Variants in NTN1 observed in about 807,000 individuals in gnomAD.
The protein encoded by NTN1 is netrin 1.
NTN1 carries 11 observed loss-of-function variants against 54.2 expected under a neutral mutation model. The observed-to-expected ratio is 0.20, with a 90% CI of 0.13 to 0.34. NTN1 has a LOEUF of 0.34. Ranked by LOEUF, NTN1 falls within the 10% of genes least tolerant of loss-of-function variation. The pLI, the probability that NTN1 is intolerant of heterozygous loss-of-function variation, is 1.00. For synonymous variants in NTN1, 371 were observed against 382.0 expected (o/e 0.97, Z 0.33); for missense variants, 740 against 893.1 (o/e 0.83, Z 2.18).
At chr17:9,028,724 T>C (rs1339305855) in intron 2 of NTN1, among the ~76,000 whole-genome samples, 1 of 152,224 alleles carries the variant, frequency 6.6e-6, no homozygotes, top group Non-Finnish European at 1.5e-5. Context: ...GTAAATTTTT[T>C]GTCTTGGGAT....
chr17:9,036,735 G>A (rs2151511773), intron 2 of NTN1, among the ~76,000 whole-genome samples: 1 of 152,246 alleles, frequency 6.6e-6, no homozygotes, highest in Admixed American at 6.5e-5. Context: ...GGAATATACT[G>A]CCTTCCTGAG....
At chr17:9,056,204 G>T (rs1356013965) in intron 2 of NTN1, among the ~76,000 whole-genome samples, 5 of 152,260 alleles carry the variant, frequency 3.3e-5, no homozygotes, top group Admixed American at 3.3e-4. Flanking sequence ...TTACAGGCAT[G>T]TGCCACCACA....
At chr17:9,120,208 C>T (rs997199697) in intron 2 of NTN1, among the ~76,000 whole-genome samples, 1 of 151,470 alleles carries the variant, frequency 6.6e-6, no homozygotes, top group East Asian at 1.9e-4. Flanking sequence ...TGGCATGAAC[C>T]CGGGAGGCAG....
chr17:9,225,967 C>T (rs970137775), intron 6 of NTN1, among the ~76,000 whole-genome samples: 3 of 152,292 alleles, frequency 2.0e-5, no homozygotes, highest in East Asian at 1.9e-4. Context: ...GGCTGAAGAG[C>T]GCGGGTCTGG....
Position 9,022,303 on chromosome 17 carries a change from C to T in NTN1, c.-63-8C>T. 1 of 1,253,282 alleles carries T rather than the reference C, an allele frequency of 8.0e-7. No homozygotes were observed. The allele number at this position is 1,253,282 out of a possible 1,614,324, so 77.6% of individuals were successfully genotyped here. On this transcript the variant is annotated splice_region_variant and splice_polypyrimidine_tract_variant and intron_variant, in intron 1 of 6. Coordinates refer to ENST00000173229, the MANE Select transcript of NTN1 (RefSeq NM_004822.3). ...GGCTGGCTGAGCGCAGCTCCCTTCT[C>T]TCCGCAGGCGCCTTCTGCGGCAGGC...
In NTN1 at chr17:9,129,207, G is replaced by C. The variant is rs1036871443; in HGVS notation, c.1019-33606G>C. On this transcript the variant is annotated intron_variant, in intron 2 of 6. Coordinates refer to ENST00000173229, the MANE Select transcript of NTN1 (RefSeq NM_004822.3). ...CCAGCGTGGGACTGGGTTTAGAGGGGGTCTGCTGGGGACGCCATTCAGGGA... is the reference window on the plus strand; with the variant it reads ...CCAGCGTGGGACTGGGTTTAGAGGGCGTCTGCTGGGGACGCCATTCAGGGA... 7.9e-5 allele frequency among the ~76,000 whole-genome samples: 12 copies of C among 152,200 alleles called. No individual in the cohort carries two copies. The East Asian group carries it at 2.3e-3, about 29-fold the overall frequency.
At chr17:9,129,815 T>G (rs1414910447) in intron 2 of NTN1, among the ~76,000 whole-genome samples, 1 of 152,182 alleles carries the variant, frequency 6.6e-6, no homozygotes, top group African/African-American at 2.4e-5. Context: ...TGAGCCATCC[T>G]TCCTGTTTGG....
intron 6 of NTN1, among the ~76,000 whole-genome samples, chr17:9,238,970 A>G (rs1379355521): frequency 1.3e-5 from 2 of 152,182 alleles, no homozygotes; most frequent in African/African-American, 2.4e-5. Flanking sequence ...TACTAGGGAA[A>G]ATACTGGCAG....
intron 5 of NTN1, among the ~76,000 whole-genome samples, chr17:9,216,029 C>T (rs1478562306): frequency 1.3e-5 from 2 of 152,230 alleles, no homozygotes; most frequent in African/African-American, 2.4e-5. Flanking sequence ...GGCGCAGTCA[C>T]AGCTCACTAC....
At chr17:9,229,280 A>T (rs1043404804) in intron 6 of NTN1, among the ~76,000 whole-genome samples, 1 of 152,138 alleles carries the variant, frequency 6.6e-6, no homozygotes, top group Non-Finnish European at 1.5e-5. Flanking sequence ...TACCTCCAGA[A>T]CCAGTGGAAA....
chr17:9,060,412 G>A (rs1341191655), intron 2 of NTN1, among the ~76,000 whole-genome samples: 1 of 152,146 alleles, frequency 6.6e-6, no homozygotes, highest in African/African-American at 2.4e-5. Flanking sequence ...AAGGCTTCCA[G>A]TCAACAGTAG....
intron 2 of NTN1, among the ~76,000 whole-genome samples, chr17:9,143,847 C>T (rs1356221457): frequency 3.9e-5 from 6 of 152,030 alleles, no homozygotes; most frequent in African/African-American, 1.2e-4. Flanking sequence ...CCCTGGGTCA[C>T]CCTGTTTGTG....
At chr17:9,060,713 C>T (rs12452443) in intron 2 of NTN1, among the ~76,000 whole-genome samples, 28,970 of 152,112 alleles carry the variant, frequency 0.19, 2,874 homozygotes, top group Admixed American at 0.26. Context: ...TGCAGTGGCT[C>T]ATGCCTGTAA....
chr17:9,104,799 G>A (rs753560839), intron 2 of NTN1, among the ~76,000 whole-genome samples: 4 of 152,210 alleles, frequency 2.6e-5, no homozygotes, highest in East Asian at 1.9e-4. Flanking sequence ...TTTGGCCCAC[G>A]GAAGGGAAGG....
rs1555574988 is a variant in NTN1, at chr17:9,193,935, A to ACAAAAAAAC, written c.1411+10966_1411+10967insCAAAAAAAC. Among the ~76,000 whole-genome samples, 31 of 123,634 alleles carry ACAAAAAAAC rather than the reference A, an allele frequency of 2.5e-4. 2 individuals are homozygous for ACAAAAAAAC. The East Asian group carries it at 8.8e-3, about 35-fold the overall frequency. 81.1% of individuals were successfully genotyped at this position (123,634 alleles called of 152,430 possible). A position where few individuals can be genotyped will look rare whatever the true frequency, so the allele number is the denominator to read the frequency against. On this transcript the variant is annotated intron_variant, in intron 5 of 6. Coordinates refer to ENST00000173229, the MANE Select transcript of NTN1 (RefSeq NM_004822.3). Reference sequence around the variant, plus strand: ...AAACTCCGACTAAAAAAAAAAAAAAAAAAAAAAAACATTATGCAGGTTGGG... The same window carrying ACAAAAAAAC: ...AAACTCCGACTAAAAAAAAAAAAAAACAAAAAAACAAAAAAAAACATTATGCAGGTTGGG...
chr17:9,143,974 G>A (rs964288974), intron 2 of NTN1, among the ~76,000 whole-genome samples: 1 of 150,850 alleles, frequency 6.6e-6, no homozygotes, highest in South Asian at 2.1e-4. Context: ...TCGGCCCACT[G>A]CAAGTCCACC....
intron 5 of NTN1, chr17:9,183,502 C>T: frequency 2.8e-6 from 1 of 363,634 alleles, no homozygotes. Context: ...CAAGCCTGCA[C>T]CGTGGTCACT....
intron 2 of NTN1, among the ~76,000 whole-genome samples, chr17:9,160,685 G>T (rs2092354773): frequency 6.6e-6 from 1 of 152,148 alleles, no homozygotes; most frequent in Non-Finnish European, 1.5e-5. Flanking sequence ...GGGTGTGGTG[G>T]CTCACGCCTG....
At chr17:9,138,575 A>G (rs1438475959) in intron 2 of NTN1, among the ~76,000 whole-genome samples, 3 of 152,164 alleles carry the variant, frequency 2.0e-5, no homozygotes. Context: ...CCTCATTCCC[A>G]GCTGGGCTCT....
Sources: gnomAD v4.1 joint callset for allele counts (sites outside exome capture counted in the v4.1 genomes callset) on GRCh38, gnomAD v4.1.1 for gene constraint, MANE v1.5 for transcripts, NCBI Gene and HGNC (gene_info 2026-07-23, HGNC 2026-07-21) for gene names.